The following ELMO1 variants were observed in gnomAD, a reference collection of about 807,000 sequenced individuals.
ELMO1 encodes engulfment and cell motility protein 1.
ELMO1 carries 26 observed loss-of-function variants against 98.9 expected under a neutral mutation model. The observed-to-expected ratio is 0.26, with a 90% CI of 0.19 to 0.36. ELMO1 has a LOEUF of 0.36. ELMO1 is among the 10% of genes least tolerant of loss of function. The probability of loss-of-function intolerance (pLI) is 1.00; values close to 1 mark genes in which losing one functional copy is unlikely to be tolerated. For missense variants in ELMO1, 627 were observed against 935.2 expected, an observed-to-expected ratio of 0.67 and a Z score of 4.30; for synonymous variants, 346 against 346.0, an observed-to-expected ratio of 1.00 and a Z score of 0.00.
intron 14 of ELMO1, among the ~76,000 whole-genome samples, chr7:37,117,787 A>G (rs1489409211): frequency 6.6e-6 from 1 of 152,214 alleles, no homozygotes; most frequent in East Asian, 1.9e-4. Context: ...GAGACAAAGA[A>G]TCATTTCAAA....
chr7:36,925,647 C>T (rs141803337), intron 16 of ELMO1, among the ~76,000 whole-genome samples: 2,114 of 152,240 alleles, frequency 0.014, 20 homozygotes, highest in Non-Finnish European at 0.02. Flanking sequence ...CACTTTGCCC[C>T]GACCCCTCCA....
chr7:37,447,426 A>G (rs1042465994), intron 1 of ELMO1, among the ~76,000 whole-genome samples: 2 of 152,028 alleles, frequency 1.3e-5, no homozygotes, highest in Middle Eastern at 3.4e-3. Flanking sequence ...GGGCATCCCA[A>G]ATATATTCAC....
intron 13 of ELMO1, among the ~76,000 whole-genome samples, chr7:37,143,086 G>T (rs563791441): frequency 6.6e-6 from 1 of 152,186 alleles, no homozygotes; most frequent in Non-Finnish European, 1.5e-5. Flanking sequence ...TTAGCAAATA[G>T]TCTCAATAAA....
intron 4 of ELMO1, among the ~76,000 whole-genome samples, chr7:37,313,097 A>T (rs73690556): frequency 0.058 from 8,890 of 152,276 alleles, 846 homozygotes; most frequent in African/African-American, 0.2. Flanking sequence ...TAAATGAAAA[A>T]CATTAAGAAA....
intron 15 of ELMO1, among the ~76,000 whole-genome samples, chr7:37,096,192 C>A (rs1202748362): frequency 6.6e-6 from 1 of 152,024 alleles, no homozygotes; most frequent in African/African-American, 2.4e-5. Flanking sequence ...AACAGAAACA[C>A]TGAGAGCAAG....
chr7:37,446,960 T>A (rs966722243), intron 1 of ELMO1, among the ~76,000 whole-genome samples: 3 of 152,174 alleles, frequency 2.0e-5, no homozygotes, highest in African/African-American at 7.2e-5. Flanking sequence ...TAAAAATATG[T>A]GATGTTTCTG....
chr7:37,163,851 C>T (rs1789422948), intron 13 of ELMO1, among the ~76,000 whole-genome samples: 1 of 152,066 alleles, frequency 6.6e-6, no homozygotes, highest in African/African-American at 2.4e-5. Context: ...GGGTATATAC[C>T]CAGTAATGGG....
At chr7:37,322,133 C>T (rs1799549287) in intron 2 of ELMO1, among the ~76,000 whole-genome samples, 1 of 150,840 alleles carries the variant, frequency 6.6e-6, no homozygotes. Context: ...GCTGAGATTA[C>T]AGGCATGAGC....
At chr7:37,120,681 T>C (rs1480835719) in intron 14 of ELMO1, among the ~76,000 whole-genome samples, 1 of 152,200 alleles carries the variant, frequency 6.6e-6, no homozygotes, top group Admixed American at 6.5e-5. Flanking sequence ...CCTGCCTCTG[T>C]AGACTCCACC....
chr7:37,162,972 T>G (rs973551281), intron 13 of ELMO1, among the ~76,000 whole-genome samples: 1 of 152,164 alleles, frequency 6.6e-6, no homozygotes, highest in Non-Finnish European at 1.5e-5. Flanking sequence ...TTGTTCAGGT[T>G]TATTTATTTT....
intron 14 of ELMO1, among the ~76,000 whole-genome samples, chr7:37,099,198 C>T (rs942747176): frequency 3.3e-5 from 5 of 152,160 alleles, no homozygotes; most frequent in Admixed American, 6.5e-5. Flanking sequence ...ATAAACCCGC[C>T]GCCTTCTTGA....
intron 1 of ELMO1, among the ~76,000 whole-genome samples, chr7:37,425,478 G>A (rs2131545455): frequency 6.6e-6 from 1 of 152,332 alleles, no homozygotes; most frequent in East Asian, 1.9e-4. Flanking sequence ...TTATTTACAT[G>A]TGTCTCCTTA....
chr7:37,086,741 T>A (rs1362365218), intron 15 of ELMO1, among the ~76,000 whole-genome samples: 1 of 66,832 alleles, frequency 1.5e-5, no homozygotes, highest in South Asian at 4.7e-4. Flanking sequence ...AGATCCTGTC[T>A]CCAAAAAAAA....
At chr7:37,017,948 G>C (rs960065914) in intron 15 of ELMO1, among the ~76,000 whole-genome samples, 3 of 152,118 alleles carry the variant, frequency 2.0e-5, no homozygotes, top group African/African-American at 7.2e-5. Flanking sequence ...AATTAAATGT[G>C]ATGCCCCCTA....
chr7:37,207,523 C>G (rs1463968589), intron 13 of ELMO1, among the ~76,000 whole-genome samples: 1 of 152,142 alleles, frequency 6.6e-6, no homozygotes, highest in African/African-American at 2.4e-5. Flanking sequence ...TGCACTCCAG[C>G]CTGGGTGACA....
intron 13 of ELMO1, among the ~76,000 whole-genome samples, chr7:37,145,457 A>T (rs144926431): frequency 3.8e-3 from 576 of 152,330 alleles, no homozygotes; most frequent in Middle Eastern, 6.8e-3. Flanking sequence ...ATAATTTAGA[A>T]GCTTCTCACT....
At chr7:37,141,070 A>C (rs537815560) in intron 13 of ELMO1, among the ~76,000 whole-genome samples, 1 of 152,352 alleles carries the variant, frequency 6.6e-6, no homozygotes, top group East Asian at 1.9e-4. Context: ...TATGAAAAAG[A>C]TACTTGCAAA....
intron 4 of ELMO1, among the ~76,000 whole-genome samples, chr7:37,297,224 G>C (rs1398241849): frequency 6.6e-6 from 1 of 152,138 alleles, no homozygotes; most frequent in Non-Finnish European, 1.5e-5. Flanking sequence ...TTTTATTCAT[G>C]TTTAAATCAT....
intron 16 of ELMO1, among the ~76,000 whole-genome samples, chr7:36,935,713 A>G (rs953403987): frequency 6.6e-6 from 1 of 152,212 alleles, no homozygotes; most frequent in African/African-American, 2.4e-5. Context: ...TAAGGTGCAC[A>G]GCTGAGGGTT....
Sources: allele counts gnomAD v4.1 joint callset (sites outside exome capture counted in the v4.1 genomes callset), GRCh38; gene constraint gnomAD v4.1.1; transcripts MANE v1.5; gene names NCBI Gene and HGNC (gene_info 2026-07-23, HGNC 2026-07-21).